HAGH: variants seen among roughly 807,000 people sequenced by gnomAD.
HAGH encodes the protein hydroxyacylglutathione hydrolase, mitochondrial.
In HAGH, 29 loss-of-function variants were observed where a neutral mutation model predicts 35.1. The observed-to-expected ratio is 0.83, with a 90% CI of 0.62 to 1.13. The LOEUF is 1.13. Ranked by LOEUF, HAGH falls within the 50% of genes most tolerant of loss-of-function variation. The probability of loss-of-function intolerance (pLI) is 0.00; values close to 1 mark genes in which losing one functional copy is unlikely to be tolerated. For missense variants in HAGH, 478 were observed against 419.6 expected (o/e 1.14, Z -1.22); for synonymous variants, 225 against 176.1 (o/e 1.28, Z -2.20).
At chr16:1,820,092 AGCTGAG>A (rs1898088113) in intron 3 of HAGH, 78 bp from the exon 4 acceptor site, 14 of 378,238 alleles carry the variant, frequency 3.7e-5, no homozygotes, top group Non-Finnish European at 7.0e-5. Flanking sequence ...CTGCCTGCTG[AGCTGAG>A]GGGCTGCCTG....
At position 1,808,005 on chromosome 16, in the gene HAGH, G is replaced by C. The variant is rs1383754310; in HGVS notation, c.*1278C>G. ...CCACACAGAGTCACCTCCCCTCACA[G>C]CTCACTGACAGAGCAGTCAGTCAGT... On this transcript the variant is annotated 3_prime_UTR_variant, in exon 9 of 9. Transcript: ENST00000397356. 6.6e-6 allele frequency: 1 copy of C among 152,386 alleles called. No individual in the cohort carries two copies. The highest frequency in any genetic ancestry group is 1.5e-5 in the Non-Finnish European group (1 of 68,154). 9.4% of individuals were successfully genotyped at this position (152,386 alleles called of 1,614,324 possible). A position where few individuals can be genotyped will look rare whatever the true frequency, so the allele number is the denominator to read the frequency against.
chr16:1,819,668 C>T (rs1271145584), intron 4 of HAGH, among the ~76,000 whole-genome samples: 6 of 152,212 alleles, frequency 3.9e-5, no homozygotes, highest in Non-Finnish European at 8.8e-5. Context: ...CCACATGGCC[C>T]GCTCCCCAGG....
chr16:1,815,853 T>G (rs1897865710), intron 7 of HAGH, among the ~76,000 whole-genome samples: 1 of 151,252 alleles, frequency 6.6e-6, no homozygotes, highest in Non-Finnish European at 1.5e-5. Context: ...ACCCTATCTC[T>G]ACTAAAAGTA....
At chr16:1,813,448 G>C (rs1200421336) in intron 7 of HAGH, among the ~76,000 whole-genome samples, 4 of 152,166 alleles carry the variant, frequency 2.6e-5, no homozygotes, top group South Asian at 2.1e-4. Context: ...AAGACACCCA[G>C]GAAGTTAATA....
rs904770425 is a variant in HAGH, at chr16:1,808,475, T to G, written c.*808A>C. The G allele has an allele frequency of 6.6e-6, 1 of 152,094 alleles. No homozygotes were observed. 9.4% of individuals were successfully genotyped at this position (152,094 alleles called of 1,614,324 possible). The stretch of plus-strand genomic sequence containing the variant: ...GCCACCACACCTGGCTAATTTTTTG[T>G]ATTTTTAGTAGAGACGGGGTTTCAC... On this transcript the variant is annotated 3_prime_UTR_variant, in exon 9 of 9. Transcript: ENST00000397356.
In HAGH at chr16:1,816,948, G is replaced by T; in HGVS notation, c.692C>A (p.Ala231Glu). Residue 231 changes from alanine (A) to glutamate (E), a missense_variant, in exon 7 of 9, where the codon GCA (alanine) becomes GAA (glutamate). Coordinates refer to ENST00000397356, the MANE Select transcript of HAGH (RefSeq NM_005326.6). ...GGCATTGCCGGGCTCCACGTGGCGT[G>T]CAAACTTGAGGTTGTTGATGGTGTA... ...HEYTINNLKF[A>E]RHVEPGNAAI... 2 of 1,613,818 alleles carry T rather than the reference G, an allele frequency of 1.2e-6. No individual in the cohort carries two copies. Among genetic ancestry groups the T allele is most frequent in the Non-Finnish European group, 1.7e-6 (2 of 1,179,706 alleles).
chr16:1,820,071 AGCTGAGG>A, intron 3 of HAGH, 57 bp from the exon 4 acceptor site: 1 of 925,338 alleles, frequency 1.1e-6, no homozygotes, highest in Non-Finnish European at 1.8e-6. Flanking sequence ...CTGCCTGCTG[AGCTGAGG>A]GGGCTGCCTG....
intron 7 of HAGH, among the ~76,000 whole-genome samples, chr16:1,815,421 C>G (rs1268657338): frequency 6.6e-6 from 1 of 152,206 alleles, no homozygotes; most frequent in South Asian, 2.1e-4. Flanking sequence ...TGGAAACAGA[C>G]AAATGCATAA....
intron 7 of HAGH, among the ~76,000 whole-genome samples, chr16:1,814,669 G>A (rs1486270471): frequency 6.7e-6 from 1 of 149,626 alleles, no homozygotes; most frequent in Non-Finnish European, 1.5e-5. Context: ...GGAGGCCGAG[G>A]CGGGTGGATC....
chr16:1,811,505 G>A (rs1315209835), intron 7 of HAGH, among the ~76,000 whole-genome samples: 3 of 151,936 alleles, frequency 2.0e-5, no homozygotes, highest in African/African-American at 7.3e-5. Flanking sequence ...CTGAGGTCAG[G>A]AGTTTGAGAC....
At chr16:1,823,509 C>T (rs555134941) in intron 1 of HAGH, among the ~76,000 whole-genome samples, 3 of 151,842 alleles carry the variant, frequency 2.0e-5, no homozygotes, top group South Asian at 2.1e-4. Context: ...CCTTGTGATC[C>T]GCCCACCTCG....
chr16:1,813,823 A>G (rs1426513466), intron 7 of HAGH, among the ~76,000 whole-genome samples: 2 of 152,262 alleles, frequency 1.3e-5, no homozygotes, highest in Admixed American at 1.3e-4. Context: ...ACAGTCATCA[A>G]GGTGCTGTCC....
In HAGH at chr16:1,809,044, A is replaced by C. The variant is rs1445970954; in HGVS notation, c.*239T>G. ...TGCAGTGGCTCACGGAGGAGGAAGG[A>C]GGCCCGAGGGGACAAGCAGAGGCCT... On this transcript the variant is annotated 3_prime_UTR_variant, in exon 9 of 9. Coordinates refer to ENST00000397356, the MANE Select transcript of HAGH (RefSeq NM_005326.6). The C allele has an allele frequency of 2.9e-5, 14 of 475,808 alleles. No individual in the cohort carries two copies. The highest frequency in any genetic ancestry group is 3.0e-5 in the Non-Finnish European group (8 of 266,326). The allele number at this position is 475,808 out of a possible 1,614,324, so 29.5% of individuals were successfully genotyped here.
intron 5 of HAGH, chr16:1,818,913 G>GT: frequency 3.5e-6 from 2 of 573,474 alleles, no homozygotes; most frequent in South Asian, 2.1e-5. Context: ...TGCTGCAAGC[G>GT]TAACTTCCTT....
intron 8 of HAGH, 94 bp from the exon 9 acceptor site, chr16:1,809,476 A>C (rs1897537845): frequency 9.9e-7 from 1 of 1,007,244 alleles, no homozygotes; most frequent in Admixed American, 1.9e-5. Context: ...GTGCTGGCCG[A>C]GCCCAGCCCT....
chr16:1,812,513 A>AAAAC lies in HAGH; in HGVS notation c.748-2681_748-2680insGTTT, dbSNP rs1555466960. 172 of 140,968 alleles carry AAAAC rather than the reference A, an allele frequency of 1.2e-3. 3 individuals carry two copies. The South Asian group carries it at 0.014, about 11-fold the overall frequency. 8.7% of individuals were successfully genotyped at this position (140,968 alleles called of 1,614,324 possible). ...GAGCGAAACGCTGTCTCAAAAAAAA[A>AAAAC]AAAAAACAAAAAAAAAACACACAAA... On this transcript the variant is annotated intron_variant, in intron 7 of 8. Coordinates refer to ENST00000397356, the MANE Select transcript of HAGH (RefSeq NM_005326.6).
At chr16:1,812,588 C>T (rs1442011606) in intron 7 of HAGH, among the ~76,000 whole-genome samples, 1 of 151,058 alleles carries the variant, frequency 6.6e-6, no homozygotes, top group African/African-American at 2.4e-5. Context: ...ATCCAGCAGA[C>T]ATTTGGGGGG....
At chr16:1,824,928 G>A (rs567757689) in intron 1 of HAGH, among the ~76,000 whole-genome samples, 105 of 151,838 alleles carry the variant, frequency 6.9e-4, no homozygotes, top group Non-Finnish European at 1.2e-3. Context: ...GGTGCTGGGG[G>A]CTGCAGGTGG....
In HAGH at chr16:1,807,691, A is replaced by T. The variant is rs1032196343; in HGVS notation, c.*1592T>A. ...AGAATATTTGCTGAACAATAGAACA[A>T]ACTCTTTGCGCTGGGGCGGGGGTAG... On this transcript the variant is annotated 3_prime_UTR_variant, in exon 9 of 9. Coordinates refer to ENST00000397356, the MANE Select transcript of HAGH (RefSeq NM_005326.6). 2 of 152,292 alleles carry T rather than the reference A, an allele frequency of 1.3e-5. No individual in the cohort carries two copies. The highest frequency in any genetic ancestry group is 2.4e-5 in the African/African-American group (1 of 41,476). The allele number at this position is 152,292 out of a possible 1,614,324, so 9.4% of individuals were successfully genotyped here.
Sources: gnomAD v4.1 joint callset for allele counts (sites outside exome capture counted in the v4.1 genomes callset) on GRCh38, gnomAD v4.1.1 for gene constraint, MANE v1.5 for transcripts, NCBI Gene and HGNC (gene_info 2026-07-23, HGNC 2026-07-21) for gene names.